AFG1L: variants seen among roughly 807,000 people sequenced by gnomAD.
AFG1L encodes AFG1 like ATPase, also known as AFG1-like ATPase.
In AFG1L, 53 loss-of-function variants were observed where a neutral mutation model predicts 62.2. That is an observed-to-expected ratio of 0.85 (90% CI 0.68 to 1.07). The LOEUF is 1.07. AFG1L is among the 50% of genes least tolerant of loss of function. The pLI is 0.00. For missense variants in AFG1L, 555 were observed against 590.5 expected, an observed-to-expected ratio of 0.94 and a Z score of 0.62; for synonymous variants, 228 against 210.3, an observed-to-expected ratio of 1.08 and a Z score of -0.73.
intron 8 of AFG1L, among the ~76,000 whole-genome samples, chr6:108,450,218 A>G (rs1409022366): frequency 2.6e-5 from 4 of 152,160 alleles, no homozygotes; most frequent in African/African-American, 7.2e-5. Context: ...ATTCCCACCA[A>G]CAGTGTAAAA....
intron 10 of AFG1L, among the ~76,000 whole-genome samples, chr6:108,500,607 G>A (rs1187410621): frequency 6.6e-6 from 1 of 152,158 alleles, no homozygotes; most frequent in East Asian, 1.9e-4. Context: ...AAACGTGAAT[G>A]CAGGTGTCTT....
chr6:108,322,866 G>C (rs1202953190), intron 1 of AFG1L, among the ~76,000 whole-genome samples: 2 of 152,130 alleles, frequency 1.3e-5, no homozygotes, highest in Non-Finnish European at 2.9e-5. Context: ...TATTAAACCT[G>C]CCCCACATAA....
At chr6:108,359,173 C>T (rs59325360) in intron 5 of AFG1L, 8 of 151,968 alleles carry the variant, frequency 5.3e-5, no homozygotes, top group African/African-American at 1.7e-4. Flanking sequence ...GTAAAAGTTC[C>T]TAGGGCTTAC....
chr6:108,461,124 C>T (rs2114779576), intron 8 of AFG1L, among the ~76,000 whole-genome samples: 1 of 152,210 alleles, frequency 6.6e-6, no homozygotes, highest in South Asian at 2.1e-4. Flanking sequence ...CTATTTATTT[C>T]TATGAGAAAT....
chr6:108,511,527 G>C (rs1455155003), intron 11 of AFG1L, among the ~76,000 whole-genome samples: 1 of 152,228 alleles, frequency 6.6e-6, no homozygotes, highest in Non-Finnish European at 1.5e-5. Flanking sequence ...AAACAAGCAT[G>C]TAAAGCACAA....
chr6:108,487,564 C>T (rs534606513), intron 10 of AFG1L, among the ~76,000 whole-genome samples: 18 of 152,136 alleles, frequency 1.2e-4, no homozygotes, highest in African/African-American at 4.1e-4. Context: ...TCTGTCATTC[C>T]TTTTAGCTGT....
At chr6:108,395,445 A>G (rs1781253376) in intron 6 of AFG1L, among the ~76,000 whole-genome samples, 1 of 128,074 alleles carries the variant, frequency 7.8e-6, no homozygotes, top group South Asian at 2.4e-4. Flanking sequence ...CTCTGCACCC[A>G]GGCTGGAGTG....
At chr6:108,469,284 C>T (rs1193186547) in intron 8 of AFG1L, among the ~76,000 whole-genome samples, 1 of 151,916 alleles carries the variant, frequency 6.6e-6, no homozygotes, top group Non-Finnish European at 1.5e-5. Flanking sequence ...AGAAGTTTTG[C>T]TGGTAGGGTT....
At chr6:108,455,343 A>T (rs1450305125) in intron 8 of AFG1L, among the ~76,000 whole-genome samples, 1 of 152,054 alleles carries the variant, frequency 6.6e-6, no homozygotes, top group Non-Finnish European at 1.5e-5. Flanking sequence ...TATGTGTAAA[A>T]TTTTTCATAA....
chr6:108,484,046 TATC>T (rs1430096178), intron 10 of AFG1L, among the ~76,000 whole-genome samples: 4 of 152,168 alleles, frequency 2.6e-5, no homozygotes, highest in African/African-American at 9.7e-5. Flanking sequence ...TCTCAGTAAA[TATC>T]ATACTAAAGG....
chr6:108,343,154 T>A (rs947794827), intron 2 of AFG1L, among the ~76,000 whole-genome samples: 3 of 151,828 alleles, frequency 2.0e-5, no homozygotes, highest in Non-Finnish European at 2.9e-5. Flanking sequence ...AACCTCTGCC[T>A]CCCTGGTTCA....
intron 2 of AFG1L, among the ~76,000 whole-genome samples, chr6:108,329,501 G>T (rs1778190198): frequency 6.6e-6 from 1 of 150,758 alleles, no homozygotes; most frequent in Non-Finnish European, 1.5e-5. Context: ...GTTTCACCAT[G>T]TTGGTCAGGC....
chr6:108,463,805 C>A (rs1032500910), intron 8 of AFG1L, among the ~76,000 whole-genome samples: 1 of 152,170 alleles, frequency 6.6e-6, no homozygotes, highest in Non-Finnish European at 1.5e-5. Context: ...CAACTGATTT[C>A]GTTATGTAAA....
rs538223541 is a variant in AFG1L, at chr6:108,404,643, A to G, written c.807+2589A>G. Among the ~76,000 whole-genome samples the G allele has an allele frequency of 9.9e-5, 15 of 151,618 alleles. No individual in the cohort carries two copies. The East Asian group carries it at 2.9e-3, about 29-fold the overall frequency. On this transcript the variant is annotated intron_variant, in intron 7 of 12. Transcript: ENST00000368977. ...TCTCACTATAATTGTGAATTTGTCTATTTTTCTTGTAATTCTGTCATTTGC... is the reference window on the plus strand; with the variant it reads ...TCTCACTATAATTGTGAATTTGTCTGTTTTTCTTGTAATTCTGTCATTTGC...
Position 108,493,870 on chromosome 6 carries a change from A to G in AFG1L, c.1063-16342A>G, listed in dbSNP as rs368198773. On this transcript the variant is annotated intron_variant, in intron 10 of 12. Transcript: ENST00000368977. Reference sequence around the variant, plus strand: ...TCTTCTGTTTTTGAGACACAGTCTCACTGTCACTCAGGCTGGAGTGCAGTG... The same window carrying G: ...TCTTCTGTTTTTGAGACACAGTCTCGCTGTCACTCAGGCTGGAGTGCAGTG... 9.9e-5 allele frequency among the ~76,000 whole-genome samples: 15 copies of G among 152,138 alleles called. 1 individual carries two copies. In the East Asian group the frequency reaches 2.5e-3, roughly 26 times the overall value.
At chr6:108,431,461 G>C (rs1459207333) in intron 7 of AFG1L, among the ~76,000 whole-genome samples, 1 of 152,050 alleles carries the variant, frequency 6.6e-6, no homozygotes, top group Non-Finnish European at 1.5e-5. Context: ...TTTTACAAGA[G>C]TCTGAATAAT....
rs189169163 is a variant in AFG1L, at chr6:108,340,643, G to T, written c.364-6345G>T. Among the ~76,000 whole-genome samples the T allele has an allele frequency of 2.0e-3, 311 of 152,308 alleles. 1 individual carries two copies. The highest frequency in any genetic ancestry group is 3.8e-3 in the Non-Finnish European group (256 of 68,030). On this transcript the variant is annotated intron_variant, in intron 2 of 12. Transcript: ENST00000368977. ...GCCTCCCAAAGTGCTGGGATTACAGGTGTGAGCTTTATAAGCTGTTGATAA... is the reference window on the plus strand; with the variant it reads ...GCCTCCCAAAGTGCTGGGATTACAGTTGTGAGCTTTATAAGCTGTTGATAA...
At chr6:108,464,096 A>G (rs970883051) in intron 8 of AFG1L, among the ~76,000 whole-genome samples, 2 of 152,242 alleles carry the variant, frequency 1.3e-5, no homozygotes, top group South Asian at 2.1e-4. Context: ...AGCCAACCCT[A>G]TTCTACTTGT....
At chr6:108,447,144 G>A in intron 7 of AFG1L, 70 bp from the exon 8 acceptor site, 2 of 758,842 alleles carry the variant, frequency 2.6e-6, no homozygotes, top group South Asian at 1.7e-5. Flanking sequence ...AAAATGTATA[G>A]TATAAGGGAA....
Sources: allele counts gnomAD v4.1 joint callset (sites outside exome capture counted in the v4.1 genomes callset), GRCh38; gene constraint gnomAD v4.1.1; transcripts MANE v1.5; gene names NCBI Gene and HGNC (gene_info 2026-07-23, HGNC 2026-07-21).